The following DNMT1 variants were observed in gnomAD, a reference collection of about 807,000 sequenced individuals.
The protein encoded by DNMT1 is DNA (cytosine-5)-methyltransferase 1.
DNMT1 carries 24 observed loss-of-function variants against 205.3 expected under a neutral mutation model. That is an observed-to-expected ratio of 0.12 (90% CI 0.08 to 0.16). The LOEUF is 0.16. DNMT1 is among the 10% of genes least tolerant of loss of function. The pLI is 1.00. For synonymous variants in DNMT1, 817 were observed against 839.8 expected (o/e 0.97, Z 0.47); for missense variants, 1,293 against 2,177.7 (o/e 0.59, Z 8.09).
At chr19:10,135,705 G>T in intron 39 of DNMT1, 31 bp downstream of exon 39, 2 of 1,599,724 alleles carry the variant, frequency 1.3e-6, no homozygotes. Flanking sequence ...CCTCCTTCCT[G>T]TCCAGACCCA....
intron 27 of DNMT1, 101 bp downstream of exon 27, chr19:10,148,783 G>C (rs891017039): frequency 1.3e-6 from 2 of 1,598,604 alleles, no homozygotes; most frequent in African/African-American, 1.3e-5. Flanking sequence ...ACACAAACTG[G>C]GGGGCCGTTG....
rs948148785 is a variant in DNMT1, at chr19:10,148,865, G to T, written c.2720+19C>A. 3 of 1,614,018 alleles carry T rather than the reference G, an allele frequency of 1.9e-6. No individual in the cohort carries two copies. Among genetic ancestry groups the T allele is most frequent in the Non-Finnish European group, 2.5e-6 (3 of 1,180,000 alleles). On this transcript the variant is annotated intron_variant, in intron 27 of 40. Coordinates refer to ENST00000359526, the MANE Select transcript of DNMT1 (RefSeq NM_001130823.3). Reference sequence around the variant, plus strand: ...GGCTGAAAGTGCCTGCTGACCCCGAGTCCAGCCCCAGTGCTCACTTGAACT... The same window carrying T: ...GGCTGAAAGTGCCTGCTGACCCCGATTCCAGCCCCAGTGCTCACTTGAACT...
Position 10,139,756 on chromosome 19 carries a change from A to G in DNMT1, c.3868T>C (p.Phe1290Leu), listed in dbSNP as rs2089564050. ...AGCTTCAGGACCATGGAGCGCTTGA[A>G]GGAGACAAAGTTCCTGACATTCTCC... is the stretch of plus-strand genomic sequence containing the variant. ...LLENVRNFVSFKRSMVLKLTL... is the reference protein window; with the variant it reads ...LLENVRNFVSLKRSMVLKLTL... Residue 1290 changes from phenylalanine (F) to leucine (L), a missense_variant, in exon 34 of 41, where the codon TTC (phenylalanine) becomes CTC (leucine). By Grantham distance (22) the Phe-to-Leu change is conservative. Around this residue, in one of 13 missense-constraint regions of DNMT1, gnomAD observed 38 missense variants for 141.1 expected, o/e 0.27. Transcript: ENST00000359526. 6.2e-7 allele frequency: 1 copy of G among 1,610,692 alleles called. No individual in the cohort carries two copies. The highest frequency in any genetic ancestry group is 8.5e-7 in the Non-Finnish European group (1 of 1,178,910).
At position 10,182,373 on chromosome 19, in the gene DNMT1, G is replaced by A. The variant is rs1050853443; in HGVS notation, c.81-296C>T. On this transcript the variant is annotated intron_variant, in intron 1 of 40. Transcript: ENST00000359526. ...CAATTATGTGTATGTGTGTGTGTGT[G>A]TATATATATACATATATATGTGTAT... 1.3e-4 allele frequency among the ~76,000 whole-genome samples: 18 copies of A among 143,986 alleles called. No individual in the cohort carries two copies. The South Asian group carries it at 1.3e-3, about 11-fold the overall frequency. 94.5% of individuals were successfully genotyped at this position (143,986 alleles called of 152,430 possible).
rs558482187 is a variant in DNMT1, at chr19:10,159,113, G to A, written c.1280+545C>T. Among the ~76,000 whole-genome samples, 6 of 152,258 alleles carry A rather than the reference G, an allele frequency of 3.9e-5. No individual in the cohort carries two copies. Among genetic ancestry groups the A allele is most frequent in the East Asian group, 1.9e-4 (1 of 5,188 alleles). On this transcript the variant is annotated intron_variant, in intron 17 of 40. Coordinates refer to ENST00000359526, the MANE Select transcript of DNMT1 (RefSeq NM_001130823.3). This position sits in a 1 kb window ranked among gnomAD's most constrained non-coding sequence, Gnocchi z 5.0. ...GCACAGAGTAGGCCTTCATCTGAGCGTGTGACCCTCAGGATGTGGGCAGAA... is the reference window on the plus strand; with the variant it reads ...GCACAGAGTAGGCCTTCATCTGAGCATGTGACCCTCAGGATGTGGGCAGAA...
intron 6 of DNMT1, among the ~76,000 whole-genome samples, chr19:10,176,645 G>T (rs1263071232): frequency 6.6e-6 from 1 of 152,130 alleles, no homozygotes; most frequent in Non-Finnish European, 1.5e-5. Flanking sequence ...ATCACCTGAG[G>T]TCAGGAGTTT....
rs866521163 is a variant in DNMT1, at chr19:10,154,118, T to C, written c.2019+175A>G. 7.2e-5 allele frequency among the ~76,000 whole-genome samples: 11 copies of C among 152,202 alleles called. No homozygotes were observed. Among genetic ancestry groups the C allele is most frequent in the African/African-American group, 1.4e-4 (6 of 41,462 alleles). ...CATGCCTCTGTGGACATCTGTCCTA[T>C]TGACGTTCAATGAAGTATGCAGGGT... On this transcript the variant is annotated intron_variant, in intron 22 of 40. Coordinates refer to ENST00000359526, the MANE Select transcript of DNMT1 (RefSeq NM_001130823.3). The surrounding 1 kb of genome is among the most constrained non-coding windows in gnomAD (Gnocchi z 6.3).
At chr19:10,187,435 T>G (rs1307601495) in intron 1 of DNMT1, among the ~76,000 whole-genome samples, 1 of 151,838 alleles carries the variant, frequency 6.6e-6, no homozygotes, top group African/African-American at 2.4e-5. Context: ...AGACCCTGTC[T>G]CTACAAGAAA....
chr19:10,153,083 T>C (rs2038383769), intron 22 of DNMT1, among the ~76,000 whole-genome samples: 1 of 152,276 alleles, frequency 6.6e-6, no homozygotes, highest in East Asian at 1.9e-4. Context: ...AATGGTAAGT[T>C]GGTAGAACCA....
Position 10,138,405 on chromosome 19 carries a change from G to A in DNMT1, c.4115+34C>T, listed in dbSNP as rs1173754051. On this transcript the variant is annotated intron_variant, in intron 35 of 40. Transcript: ENST00000359526. This position sits in a 1 kb window ranked among gnomAD's most constrained non-coding sequence, Gnocchi z 4.1. ...CCCCATGAGCTACTGAGGCCTGCTC[G>A]GCAGTGTGTGGAGGAGCGACGGGGG... 5.0e-6 allele frequency: 8 copies of A among 1,613,348 alleles called. No individual in the cohort carries two copies. The highest frequency in any genetic ancestry group is 1.7e-5 in the Admixed American group (1 of 60,008).
At chr19:10,161,540 T>C (rs1254043606) in intron 13 of DNMT1, among the ~76,000 whole-genome samples, 1 of 151,648 alleles carries the variant, frequency 6.6e-6, no homozygotes, top group Non-Finnish European at 1.5e-5. Context: ...CCAGCTACCT[T>C]GAAGGCCCAG....
chr19:10,135,800 G>C lies in DNMT1; in HGVS notation c.4709C>G (p.Ala1570Gly). Residue 1570 changes from alanine (A) to glycine (G), a missense_variant, in exon 39 of 41, where the codon GCC (alanine) becomes GGC (glycine). Around this residue, in one of 13 missense-constraint regions of DNMT1, gnomAD observed 24 missense variants for 58.0 expected, o/e 0.41. Transcript: ENST00000359526. Reference sequence around the variant, plus strand: ...GGTGTCAGGGAAGCCCTGGGAGCGGGCACACTCCCGCACGCTCACCACACG... The same window carrying C: ...GGTGTCAGGGAAGCCCTGGGAGCGGCCACACTCCCGCACGCTCACCACACG... ...QHRVVSVRECARSQGFPDTYR... is the reference protein window; with the variant it reads ...QHRVVSVRECGRSQGFPDTYR... The C allele has an allele frequency of 6.3e-7, 1 of 1,580,360 alleles. No individual in the cohort carries two copies. The highest frequency in any genetic ancestry group is 8.6e-7 in the Non-Finnish European group (1 of 1,165,046).
In DNMT1 at chr19:10,133,805, T is replaced by C; in HGVS notation, c.4865-104A>G. 4 of 1,244,888 alleles carry C rather than the reference T, an allele frequency of 3.2e-6. No individual in the cohort carries two copies. Among genetic ancestry groups the C allele is most frequent in the Non-Finnish European group, 4.6e-6 (4 of 868,152 alleles). 77.1% of individuals were successfully genotyped at this position (1,244,888 alleles called of 1,614,324 possible). A position where few individuals can be genotyped will look rare whatever the true frequency, so the allele number is the denominator to read the frequency against. ...GGACCATCAGGAAACATTAACGTAC[T>C]GATGTTAACAGCTGACCCAATAAGT... On this transcript the variant is annotated intron_variant, in intron 40 of 40. Coordinates refer to ENST00000359526, the MANE Select transcript of DNMT1 (RefSeq NM_001130823.3). The surrounding 1 kb of genome is among the most constrained non-coding windows in gnomAD (Gnocchi z 4.1).
Position 10,194,906 on chromosome 19 carries a change from G to T in DNMT1, c.-7C>A. ...GGGCGGTACGCGCCGGCATCTCGGA[G>T]GCTTCAGCAGACGCGGCGGCGGCAG... is the stretch of plus-strand genomic sequence containing the variant. On this transcript the variant is annotated 5_prime_UTR_variant, in exon 1 of 41. Transcript: ENST00000359526. 3.7e-6 allele frequency: 6 copies of T among 1,603,820 alleles called. No homozygotes were observed. Among genetic ancestry groups the T allele is most frequent in the Non-Finnish European group, 5.1e-6 (6 of 1,174,920 alleles).
chr19:10,162,637 A>AAAAAG lies in DNMT1; in HGVS notation c.1008+29_1008+30insCTTTT. ...GTCTTGGGGAAAAAAAAAAAAAAAA[A>AAAAAG]AAAGAAAGAAAGAAAAGTGAGACCT... On this transcript the variant is annotated intron_variant, in intron 13 of 40. Transcript: ENST00000359526. 3.2e-6 allele frequency: 5 copies of AAAAAG among 1,557,560 alleles called. No homozygotes were observed. The East Asian group carries it at 9.1e-5, about 28-fold the overall frequency.
intron 3 of DNMT1, 69 bp from the exon 4 acceptor site, chr19:10,180,638 G>A: frequency 6.5e-7 from 1 of 1,534,464 alleles, no homozygotes; most frequent in Non-Finnish European, 9.0e-7. Flanking sequence ...GGAAACACAT[G>A]TGTTTCCTTC....
intron 30 of DNMT1, chr19:10,141,473 A>G (rs2089599391): frequency 8.9e-6 from 4 of 451,076 alleles, no homozygotes; most frequent in Non-Finnish European, 1.6e-5. Flanking sequence ...CTGCTGTCCA[A>G]TTGGGCTACC....
chr19:10,175,198 C>T (rs2038916241), intron 7 of DNMT1, among the ~76,000 whole-genome samples: 1 of 151,792 alleles, frequency 6.6e-6, no homozygotes. Context: ...TCCCCTGGAC[C>T]TCCAGCCTGC....
intron 24 of DNMT1, 92 bp from the exon 25 acceptor site, chr19:10,150,060 T>C: frequency 9.2e-7 from 1 of 1,087,236 alleles, no homozygotes; most frequent in Non-Finnish European, 1.4e-6. Context: ...AAGTAAGACA[T>C]GACTCGATTT....
Sources: gnomAD v4.1 joint callset for allele counts (sites outside exome capture counted in the v4.1 genomes callset) on GRCh38, gnomAD v4.1.1 for gene constraint, gnomAD v4.1.1 regional missense constraint, Gnocchi (gnomAD v3.1) non-coding constraint, MANE v1.5 for transcripts, NCBI Gene and HGNC (gene_info 2026-07-23, HGNC 2026-07-21) for gene names.